The following ADAR variants were observed in gnomAD, a reference collection of about 807,000 sequenced individuals.
The protein encoded by ADAR is adenosine deaminase RNA specific.
A neutral mutation model predicts 113.2 loss-of-function variants in ADAR; 41 were observed. The ratio of observed to expected loss-of-function variants is 0.36; its 90% CI spans 0.28 to 0.47. ADAR has a LOEUF of 0.47. ADAR is among the 20% of genes least tolerant of loss of function. The probability of loss-of-function intolerance (pLI) is 1.00; values close to 1 mark genes in which losing one functional copy is unlikely to be tolerated. For synonymous variants in ADAR, 605 were observed against 572.6 expected (o/e 1.06, Z -0.81); for missense variants, 1,242 against 1,540.9 (o/e 0.81, Z 3.25).
At chr1:154,585,951 C>T (rs1557864625) in intron 12 of ADAR, 86 bp from the exon 13 acceptor site, 2 of 1,320,796 alleles carry the variant, frequency 1.5e-6, no homozygotes, top group African/African-American at 1.5e-5. Context: ...TTTGGAGGTA[C>T]AAGATATAGT....
upstream of ADAR, among the ~76,000 whole-genome samples, chr1:154,610,818 AAAAAAG>A (rs1383181043): frequency 0.027 from 1,008 of 37,532 alleles, 94 homozygotes; most frequent in Non-Finnish European, 0.04. Context: ...CAAAAAAAAA[AAAAAAG>A]AAAAAAAAAA....
At position 154,596,896 on chromosome 1, in the gene ADAR, G is replaced by C; in HGVS notation, c.2179C>G (p.Pro727Ala). Residue 727 changes from proline (P) to alanine (A), a missense_variant, in exon 6 of 15, where the codon CCT becomes GCT. By Grantham distance (27) the Pro-to-Ala change is conservative. This residue lies in a region of ADAR where 780 missense variants were observed against 1,057.9 expected (regional missense o/e 0.74). Coordinates refer to ENST00000368474, the MANE Select transcript of ADAR (RefSeq NM_001111.5). ...GELVRYLNTN[P>A]VGGLLEYARS... is the part of the protein sequence containing the mutation. ...GCGTACTCCAAAAGGCCACCCACAG[G>C]GTTGGTGTTCAGGTATCTCACGAGC... 7 of 1,614,016 alleles carry C rather than the reference G, an allele frequency of 4.3e-6. No homozygotes were observed. Among genetic ancestry groups the C allele is most frequent in the Non-Finnish European group, 5.1e-6 (6 of 1,180,028 alleles).
At chr1:154,624,571 T>A (rs1240652153) in intron 1 of ADAR, among the ~76,000 whole-genome samples, 1 of 152,230 alleles carries the variant, frequency 6.6e-6, no homozygotes, top group African/African-American at 2.4e-5. Flanking sequence ...ATACCAGGAA[T>A]ATCATCTGTT....
At chr1:154,605,415 C>T (rs1264835501) in intron 1 of ADAR, among the ~76,000 whole-genome samples, 1 of 146,308 alleles carries the variant, frequency 6.8e-6, no homozygotes. Flanking sequence ...CATTTACTTT[C>T]CCTCGTATCA....
Position 154,590,216 on chromosome 1 carries a change from G to A in ADAR, c.2464C>T (p.Leu822Phe), listed in dbSNP as rs1250793317. 2.5e-6 allele frequency: 4 copies of A among 1,613,288 alleles called. No individual in the cohort carries two copies. Among genetic ancestry groups the A allele is most frequent in the Non-Finnish European group, 3.4e-6 (4 of 1,179,906 alleles). The change falls in exon 7 of 15, where the codon CTC (leucine) becomes TTC (phenylalanine). Residue 822 changes from leucine to phenylalanine, a missense_variant. By Grantham distance (22) the Leu-to-Phe change is conservative. Transcript: ENST00000368474. ...GGCTGTGCTTCTGGGGACCTTGAGAGGAGGAGCATAGTTCTTCTGAGACTG... is the reference window on the plus strand; with the variant it reads ...GGCTGTGCTTCTGGGGACCTTGAGAAGAGGAGCATAGTTCTTCTGAGACTG... ...GASLRRTMLL[L>F]SRSPEAQPKT...
chr1:154,626,519 C>T (rs753348569), intron 1 of ADAR, among the ~76,000 whole-genome samples: 19 of 152,190 alleles, frequency 1.2e-4, no homozygotes, highest in Non-Finnish European at 2.5e-4. Context: ...CCCAAGTCTG[C>T]ATATCATATC....
intron 1 of ADAR, among the ~76,000 whole-genome samples, chr1:154,622,140 G>A (rs907972136): frequency 6.6e-6 from 1 of 152,078 alleles, no homozygotes; most frequent in Non-Finnish European, 1.5e-5. Flanking sequence ...AAGCAGAGTG[G>A]GCTCTGAGCC....
At chr1:154,589,507 G>A (rs368590528) in intron 8 of ADAR, 45 bp from the exon 9 acceptor site, 103 of 1,529,212 alleles carry the variant, frequency 6.7e-5, no homozygotes, top group Middle Eastern at 3.4e-4. Flanking sequence ...GAAGGAAACC[G>A]ATGGAAAACA....
rs534131989 is a variant in ADAR at position 154,589,926 on chromosome 1, G to C, written c.2499C>G (p.Leu833=). ...CATGGAAGGTGCTGCCAGTGAGAGGGAGCTGTGGGGAAAAGAGGCTGTGTC... is the reference window on the plus strand; with the variant it reads ...CATGGAAGGTGCTGCCAGTGAGAGGCAGCTGTGGGGAAAAGAGGCTGTGTC... The part of the protein sequence containing the change: ...SRSPEAQPKT[L]PLTGSTFHDQ... Residue 833 remains leucine, a splice_region_variant and synonymous_variant, in exon 8 of 15, where the codon CTC becomes CTG. Transcript: ENST00000368474. 1 of 1,613,890 alleles carries C rather than the reference G, an allele frequency of 6.2e-7. No homozygotes were observed. The highest frequency in any genetic ancestry group is 8.5e-7 in the Non-Finnish European group (1 of 1,180,026).
upstream of ADAR, among the ~76,000 whole-genome samples, chr1:154,611,124 G>C (rs1240456674): frequency 6.6e-6 from 1 of 152,096 alleles, no homozygotes; most frequent in Non-Finnish European, 1.5e-5. Context: ...TTAAGTAACA[G>C]GAGTTATATC....
chr1:154,604,387 ACCC>A (rs1698063600), intron 1 of ADAR, among the ~76,000 whole-genome samples: 1 of 151,348 alleles, frequency 6.6e-6, no homozygotes, highest in Admixed American at 6.6e-5. Flanking sequence ...ACACCTCCTC[ACCC>A]CACCTGGATC....
At chr1:154,618,184 T>TTAATAGCAAATA (rs1484968025) in intron 1 of ADAR, among the ~76,000 whole-genome samples, 7 of 151,142 alleles carry the variant, frequency 4.6e-5, no homozygotes, top group Non-Finnish European at 8.8e-5. Context: ...TACCATATTC[T>TTAATAGCAAATA]TAATAGCAAA....
rs575429853 is a variant in ADAR, at chr1:154,590,100, C to T, written c.2496+84G>A. ...CTAAGAGTAAAGCCTAGGAATAACTCGCATGACAGCAAGAGCCACCTCCAC... is the reference window on the plus strand; with the variant it reads ...CTAAGAGTAAAGCCTAGGAATAACTTGCATGACAGCAAGAGCCACCTCCAC... On this transcript the variant is annotated intron_variant, in intron 7 of 14. Transcript: ENST00000368474. 4.4e-5 allele frequency: 66 copies of T among 1,512,588 alleles called. No individual in the cohort carries two copies. In the African/African-American group the frequency reaches 5.0e-4, roughly 11 times the overall value. The allele number at this position is 1,512,588 out of a possible 1,614,324, so 93.7% of individuals were successfully genotyped here.
intron 1 of ADAR, among the ~76,000 whole-genome samples, chr1:154,626,204 A>C (rs1698933528): frequency 7.4e-6 from 1 of 134,444 alleles, no homozygotes; most frequent in African/African-American, 2.7e-5. Context: ...AACCTCCACC[A>C]CCTGGGTTTG....
chr1:154,584,555 GA>G lies in ADAR; in HGVS notation c.*250del. 1 of 504,876 alleles carries G rather than the reference GA, an allele frequency of 2.0e-6. No individual in the cohort carries two copies. The allele number at this position is 504,876 out of a possible 1,614,324, so 31.3% of individuals were successfully genotyped here. On this transcript the variant is annotated 3_prime_UTR_variant, in exon 15 of 15. Transcript: ENST00000368474. Reference sequence around the variant, plus strand: ...TGACTATGTATGCTTTGGGTAGAAAGAAAAGATAACTTCTTAGGTTTCTGCC... The same window carrying G: ...TGACTATGTATGCTTTGGGTAGAAAGAAAGATAACTTCTTAGGTTTCTGCC...
chr1:154,586,108 A>G, intron 12 of ADAR, 73 bp downstream of exon 12: 2 of 1,577,214 alleles, frequency 1.3e-6, no homozygotes, highest in Non-Finnish European at 1.7e-6. Flanking sequence ...AACACCTGGC[A>G]ATAAAGCATG....
In ADAR at chr1:154,601,088, G is replaced by C; in HGVS notation, c.1554C>G (p.Thr518=). The C allele has an allele frequency of 6.2e-7, 1 of 1,614,198 alleles. No individual in the cohort carries two copies. The highest frequency in any genetic ancestry group is 8.5e-7 in the Non-Finnish European group (1 of 1,180,034). The change falls in exon 2 of 15, where the codon ACC becomes ACG. Residue 518 remains threonine (T), a synonymous_variant. Transcript: ENST00000368474. The surrounding 1 kb of genome is among the most constrained non-coding windows in gnomAD (Gnocchi z 4.7). ...LLEYAQFASQ[T]CEFNMIEQSG... is the part of the protein sequence containing the mutation. ...TCTGCTCTATCATGTTGAACTCACA[G>C]GTTTGACTAGCGAACTGGGCATATT...
intron 1 of ADAR, among the ~76,000 whole-genome samples, chr1:154,607,748 C>G (rs1180624593): frequency 6.7e-6 from 1 of 149,926 alleles, no homozygotes; most frequent in Non-Finnish European, 1.5e-5. Flanking sequence ...CACACACACA[C>G]ACACTCTCAC....
chr1:154,586,615 A>G (rs150723580), intron 11 of ADAR, among the ~76,000 whole-genome samples: 27 of 152,322 alleles, frequency 1.8e-4, no homozygotes, highest in African/African-American at 6.3e-4. Flanking sequence ...ATAGACACTA[A>G]ACCAGTAGCC....
Sources: gnomAD v4.1 joint callset for allele counts (sites outside exome capture counted in the v4.1 genomes callset) on GRCh38, gnomAD v4.1.1 for gene constraint, gnomAD v4.1.1 regional missense constraint, Gnocchi (gnomAD v3.1) non-coding constraint, MANE v1.5 for transcripts, NCBI Gene and HGNC (gene_info 2026-07-23, HGNC 2026-07-21) for gene names.